The following PSEN1 variants were observed in gnomAD, a reference collection of about 807,000 sequenced individuals.
PSEN1 encodes presenilin 1.
In PSEN1, 15 loss-of-function variants were observed where a neutral mutation model predicts 53.5. The observed-to-expected ratio is 0.28, with a 90% CI of 0.19 to 0.43. The LOEUF is 0.43. Ranked by LOEUF, PSEN1 falls within the 20% of genes least tolerant of loss-of-function variation. The pLI is 1.00. For missense variants in PSEN1, 387 were observed against 571.2 expected, an observed-to-expected ratio of 0.68 and a Z score of 3.29; for synonymous variants, 208 against 209.8, an observed-to-expected ratio of 0.99 and a Z score of 0.08.
intron 5 of PSEN1, among the ~76,000 whole-genome samples, chr14:73,175,124 G>GT (rs561326452): frequency 1.1e-3 from 170 of 151,396 alleles, no homozygotes; most frequent in Non-Finnish European, 1.9e-3. Context: ...AGTTTTTTTT[G>GT]TTTTTTTGTT....
chr14:73,215,268 T>A lies in PSEN1; in HGVS notation c.1130-1858T>A, dbSNP rs539572755. Among the ~76,000 whole-genome samples the A allele has an allele frequency of 8.0e-4, 118 of 146,830 alleles. No homozygotes were observed. In the East Asian group the frequency reaches 0.01, roughly 13 times the overall value. On this transcript the variant is annotated intron_variant, in intron 10 of 11. Coordinates refer to ENST00000324501, the MANE Select transcript of PSEN1 (RefSeq NM_000021.4). ...GAGCCACTGTGCCCGGCCAAAAAAA[T>A]TTTTTTTAAATACCGTTAAGAAGTG...
At chr14:73,163,979 G>T (rs1242247991) in intron 3 of PSEN1, among the ~76,000 whole-genome samples, 1 of 151,942 alleles carries the variant, frequency 6.6e-6, no homozygotes, top group Non-Finnish European at 1.5e-5. Context: ...GACTAGGGGA[G>T]CATAAAAGCA....
chr14:73,206,951 T>C (rs1319022861), intron 9 of PSEN1, among the ~76,000 whole-genome samples: 1 of 151,906 alleles, frequency 6.6e-6, no homozygotes, highest in Admixed American at 6.6e-5. Context: ...TGAAATATGA[T>C]TTGAGATGTG....
At chr14:73,200,780 G>A (rs1345477094) in intron 8 of PSEN1, among the ~76,000 whole-genome samples, 1 of 152,126 alleles carries the variant, frequency 6.6e-6, no homozygotes. Flanking sequence ...GCTGGGCGTG[G>A]TGGCTAACAC....
At chr14:73,208,203 G>A (rs939896930) in intron 9 of PSEN1, among the ~76,000 whole-genome samples, 2 of 152,188 alleles carry the variant, frequency 1.3e-5, no homozygotes, top group South Asian at 2.1e-4. Flanking sequence ...CACCTGCAAC[G>A]TGGCAAGTGG....
chr14:73,152,904 G>A (rs1897266516), intron 3 of PSEN1, among the ~76,000 whole-genome samples: 1 of 152,126 alleles, frequency 6.6e-6, no homozygotes, highest in Non-Finnish European at 1.5e-5. Flanking sequence ...TTAGCCAGGT[G>A]TGGTGGTGCG....
chr14:73,177,391 GTGTTTT>G lies in PSEN1; in HGVS notation c.480+3709_480+3714del, dbSNP rs10701455. Among the ~76,000 whole-genome samples, 1,106 of 151,820 alleles carry G rather than the reference GTGTTTT, an allele frequency of 7.3e-3. 2 individuals are homozygous for G. Among genetic ancestry groups the G allele is most frequent in the Middle Eastern group, 0.01 (3 of 294 alleles). Reference sequence around the variant, plus strand: ...GCTTTGCTGGGGTTTTTTTGTGTGTGTGTTTTTGTTTTTGTTTTTGTTTTTGTTTTG... The same window carrying G: ...GCTTTGCTGGGGTTTTTTTGTGTGTGTGTTTTTGTTTTTGTTTTTGTTTTG... On this transcript the variant is annotated intron_variant, in intron 5 of 11. Coordinates refer to ENST00000324501, the MANE Select transcript of PSEN1 (RefSeq NM_000021.4).
chr14:73,206,327 G>C, intron 8 of PSEN1, 59 bp from the exon 9 acceptor site: 2 of 1,188,806 alleles, frequency 1.7e-6, no homozygotes, highest in Non-Finnish European at 2.5e-6. Flanking sequence ...ATGGCTTGTT[G>C]TTGTCTATGC....
chr14:73,218,653 AAGAATGCTCCCGCACAGCATAG>A lies in PSEN1; in HGVS notation c.1249-473_1249-452del, dbSNP rs1367610574. On this transcript the variant is annotated intron_variant, in intron 11 of 11. Transcript: ENST00000324501. Reference sequence around the variant, plus strand: ...GGGAAGAATGCTCCCACACAGCATAAAGAATGCTCCCGCACAGCATAGAGAATGCCCCCGCACAGCATAGAGA... The same window carrying A: ...GGGAAGAATGCTCCCACACAGCATAAAGAATGCCCCCGCACAGCATAGAGA... Among the ~76,000 whole-genome samples the A allele has an allele frequency of 3.2e-3, 478 of 151,096 alleles. 6 individuals carry two copies. Among genetic ancestry groups the A allele is most frequent in the African/African-American group, 0.011 (450 of 40,680 alleles).
chr14:73,202,417 A>ATTATATATAT (rs1566648023), intron 8 of PSEN1, among the ~76,000 whole-genome samples: 1 of 60,516 alleles, frequency 1.7e-5, no homozygotes, highest in African/African-American at 6.7e-5. Context: ...TCTATCACAT[A>ATTATATATAT]CTATATATAT....
chr14:73,191,108 A>G (rs1898696985), intron 6 of PSEN1, among the ~76,000 whole-genome samples: 1 of 152,228 alleles, frequency 6.6e-6, no homozygotes, highest in African/African-American at 2.4e-5. Context: ...GAATTAAAAT[A>G]GCATTTTCTT....
chr14:73,210,104 T>G (rs1052006297), intron 9 of PSEN1, among the ~76,000 whole-genome samples: 1 of 152,122 alleles, frequency 6.6e-6, no homozygotes, highest in Non-Finnish European at 1.5e-5. Context: ...GGCATAGGGC[T>G]CCAAGAGGGA....
chr14:73,173,847 C>A, intron 5 of PSEN1, 140 bp downstream of exon 5: 1 of 1,043,500 alleles, frequency 9.6e-7, no homozygotes. Context: ...TTTCTTCCTC[C>A]TCACTGTGGA....
rs1374457730 is a variant in PSEN1 at position 73,220,033 on chromosome 14, G to A, written c.*744G>A. Reference sequence around the variant, plus strand: ...CTTTATCCTAAAAGTTTTAACCTCAGGTTCCAAATTCAGTAAATTTTGGAA... The same window carrying A: ...CTTTATCCTAAAAGTTTTAACCTCAAGTTCCAAATTCAGTAAATTTTGGAA... On this transcript the variant is annotated 3_prime_UTR_variant, in exon 12 of 12. Coordinates refer to ENST00000324501, the MANE Select transcript of PSEN1 (RefSeq NM_000021.4). 2 of 152,290 alleles carry A rather than the reference G, an allele frequency of 1.3e-5. No homozygotes were observed. The highest frequency in any genetic ancestry group is 4.8e-5 in the African/African-American group (2 of 41,432). 9.4% of individuals were successfully genotyped at this position (152,290 alleles called of 1,614,324 possible). A position where few individuals can be genotyped will look rare whatever the true frequency, so the allele number is the denominator to read the frequency against.
intron 8 of PSEN1, among the ~76,000 whole-genome samples, chr14:73,202,441 TATATATATATATATATATATA>T (rs1267860723): frequency 4.4e-3 from 81 of 18,272 alleles, no homozygotes; most frequent in African/African-American, 0.011. Flanking sequence ...TATATATATA[TATATATATATATATATATATA>T]TTTTTTTTTT....
chr14:73,166,924 G>A (rs963248024), intron 3 of PSEN1, among the ~76,000 whole-genome samples: 4 of 152,084 alleles, frequency 2.6e-5, no homozygotes, highest in African/African-American at 7.2e-5. Flanking sequence ...CGCCAGCCTC[G>A]GTCTTTTTTT....
At chr14:73,158,382 G>A (rs1897431488) in intron 3 of PSEN1, among the ~76,000 whole-genome samples, 1 of 151,768 alleles carries the variant, frequency 6.6e-6, no homozygotes, top group African/African-American at 2.4e-5. Flanking sequence ...CTGGAGTGCA[G>A]TGGCATGATC....
At chr14:73,149,714 G>A (rs562065835) in intron 3 of PSEN1, among the ~76,000 whole-genome samples, 5 of 152,300 alleles carry the variant, frequency 3.3e-5, no homozygotes, top group African/African-American at 1.2e-4. Context: ...GATCAAGTCA[G>A]TTGTCTACCA....
intron 7 of PSEN1, among the ~76,000 whole-genome samples, chr14:73,193,076 T>A (rs1898791304): frequency 1.3e-5 from 2 of 152,146 alleles, no homozygotes. Flanking sequence ...TTTGGGAGGC[T>A]GAGGCGGGCA....
Sources: gnomAD v4.1 joint callset for allele counts (sites outside exome capture counted in the v4.1 genomes callset) on GRCh38, gnomAD v4.1.1 for gene constraint, MANE v1.5 for transcripts, NCBI Gene and HGNC (gene_info 2026-07-23, HGNC 2026-07-21) for gene names.